Variants in MBTPS1 observed in about 807,000 individuals in gnomAD.
The protein encoded by MBTPS1 is membrane bound transcription factor peptidase, site 1.
A neutral mutation model predicts 127.8 loss-of-function variants in MBTPS1; 94 were observed. That is an observed-to-expected ratio of 0.74 (90% CI 0.62 to 0.87). The LOEUF (loss-of-function observed/expected upper bound fraction) is 0.87. Ranked by LOEUF, MBTPS1 falls within the 40% of genes least tolerant of loss-of-function variation. The pLI, the probability that MBTPS1 is intolerant of heterozygous loss-of-function variation, is 0.00. For synonymous variants in MBTPS1, 632 were observed against 509.4 expected, an observed-to-expected ratio of 1.24 and a Z score of -3.24; for missense variants, 1,636 against 1,353.2, an observed-to-expected ratio of 1.21 and a Z score of -3.28.
intron 11 of MBTPS1, among the ~76,000 whole-genome samples, chr16:84,079,062 G>A (rs1314899233): frequency 3.3e-5 from 5 of 152,196 alleles, no homozygotes; most frequent in African/African-American, 1.2e-4. Flanking sequence ...TCCCTCTGGT[G>A]GTAACTGAGT....
intron 1 of MBTPS1, among the ~76,000 whole-genome samples, chr16:84,114,016 G>A (rs1352182136): frequency 6.7e-6 from 1 of 149,314 alleles, no homozygotes; most frequent in Non-Finnish European, 1.5e-5. Flanking sequence ...CCAGGGTGGA[G>A]TGCAATGGCG....
rs774683641 is a variant in MBTPS1, at chr16:84,101,680, C to T, written c.104G>A (p.Cys35Tyr). 68 of 1,614,000 alleles carry T rather than the reference C, an allele frequency of 4.2e-5. No homozygotes were observed. The highest frequency in any genetic ancestry group is 5.5e-5 in the Non-Finnish European group (65 of 1,179,982). Residue 35 changes from cysteine (C) to tyrosine (Y), a missense_variant, in exon 2 of 23, where the codon TGC (cysteine) becomes TAC (tyrosine). Physicochemically the swap from Cys to Tyr is radical, Grantham distance 194. Coordinates refer to ENST00000343411, the MANE Select transcript of MBTPS1 (RefSeq NM_003791.4). ...LEKKSFEKAPCPGCSHLTLKV... is the reference protein window; with the variant it reads ...LEKKSFEKAPYPGCSHLTLKV... ...CAAAGTCAGGTGGGAACAGCCAGGG[C>T]ATGGGGCCTTTTCAAAAGATTTCTT...
intron 11 of MBTPS1, among the ~76,000 whole-genome samples, chr16:84,076,666 C>G (rs1309240458): frequency 6.6e-6 from 1 of 152,212 alleles, no homozygotes; most frequent in Non-Finnish European, 1.5e-5. Flanking sequence ...GCCCCATCTA[C>G]AGCAGCAACA....
intron 1 of MBTPS1, among the ~76,000 whole-genome samples, chr16:84,102,444 C>A (rs868750169): frequency 6.6e-6 from 1 of 152,024 alleles, no homozygotes. Context: ...ACTGCTTTCA[C>A]GGGAAAATTT....
Position 84,091,786 on chromosome 16 carries a change from C to CAAA in MBTPS1, c.908_909insTTT (p.Leu304dup). On this transcript the variant is annotated inframe_insertion, in exon 7 of 23. Coordinates refer to ENST00000343411, the MANE Select transcript of MBTPS1 (RefSeq NM_003791.4). ...CCGGGCCGCCGATGCTGAGGTTTAACACGTCGATCTTCTTTAAAATGGCAT... is the reference window on the plus strand; with the variant it reads ...CCGGGCCGCCGATGCTGAGGTTTAACAAAACGTCGATCTTCTTTAAAATGGCAT... 1 of 1,614,188 alleles carries CAAA rather than the reference C, an allele frequency of 6.2e-7. No individual in the cohort carries two copies. Among genetic ancestry groups the CAAA allele is most frequent in the Non-Finnish European group, 8.5e-7 (1 of 1,180,026 alleles).
At chr16:84,109,653 A>G (rs1214769594) in intron 1 of MBTPS1, 1 of 152,222 alleles carries the variant, frequency 6.6e-6, no homozygotes, top group African/African-American at 2.4e-5. Flanking sequence ...CAACTGGCCT[A>G]GAATTTTCCT....
chr16:84,075,896 G>C (rs576399577), intron 11 of MBTPS1, among the ~76,000 whole-genome samples: 2 of 152,330 alleles, frequency 1.3e-5, no homozygotes, highest in South Asian at 4.1e-4. Flanking sequence ...TAAAAATCCT[G>C]AATGGATCGG....
intron 1 of MBTPS1, among the ~76,000 whole-genome samples, chr16:84,116,084 C>T (rs923084895): frequency 2.0e-5 from 3 of 152,180 alleles, no homozygotes; most frequent in African/African-American, 7.2e-5. Context: ...CAACGCAGGT[C>T]GTATTCCACT....
chr16:84,114,926 TTTTTTTG>T (rs573476576), intron 1 of MBTPS1, among the ~76,000 whole-genome samples: 272 of 152,102 alleles, frequency 1.8e-3, no homozygotes, highest in African/African-American at 5.3e-3. Context: ...CTTCCAAGTT[TTTTTTTG>T]TTTTTTGTTT....
At chr16:84,112,974 CAAAAAAAAAAAA>C (rs71382895) in intron 1 of MBTPS1, among the ~76,000 whole-genome samples, 5 of 56,878 alleles carry the variant, frequency 8.8e-5, no homozygotes, top group African/African-American at 3.2e-4. Flanking sequence ...GATGCCATCT[CAAAAAAAAAAAA>C]AAAAAAAAGA....
intron 21 of MBTPS1, chr16:84,057,465 A>G (rs2085539067): frequency 6.6e-6 from 1 of 152,238 alleles, no homozygotes. Context: ...TTTACAGCAT[A>G]CTGACGGAAG....
chr16:84,114,988 G>A (rs1047270263), intron 1 of MBTPS1, among the ~76,000 whole-genome samples: 1 of 151,796 alleles, frequency 6.6e-6, no homozygotes, highest in African/African-American at 2.4e-5. Flanking sequence ...GAATGCAGCG[G>A]CGTGATCTTG....
intron 12 of MBTPS1, among the ~76,000 whole-genome samples, chr16:84,073,676 T>TAA (rs139568278): frequency 2.0e-5 from 3 of 148,056 alleles, no homozygotes; most frequent in Non-Finnish European, 4.5e-5. Context: ...AAAACAATAT[T>TAA]AAAAAAAAAA....
At chr16:84,078,271 C>T (rs970116441) in intron 11 of MBTPS1, among the ~76,000 whole-genome samples, 15 of 151,836 alleles carry the variant, frequency 9.9e-5, no homozygotes, top group Middle Eastern at 6.8e-3. Context: ...AGTTACCTGA[C>T]GCTCTCAACC....
intron 3 of MBTPS1, among the ~76,000 whole-genome samples, chr16:84,097,836 T>TCGTGTGTG (rs1178350787): frequency 2.3e-5 from 2 of 85,248 alleles, no homozygotes; most frequent in Non-Finnish European, 5.1e-5. Flanking sequence ...AAACTTCTCT[T>TCGTGTGTG]CGTGTGTGTG....
chr16:84,100,437 G>T (rs185550815), intron 2 of MBTPS1, among the ~76,000 whole-genome samples: 3 of 151,920 alleles, frequency 2.0e-5, no homozygotes, highest in Non-Finnish European at 4.4e-5. Context: ...CCAGCTACTC[G>T]GGAGGCTGAG....
In MBTPS1 at chr16:84,067,725, T is replaced by A. The variant is rs192649025; in HGVS notation, c.2170A>T (p.Ser724Cys). 2 of 1,614,148 alleles carry A rather than the reference T, an allele frequency of 1.2e-6. No homozygotes were observed. Among genetic ancestry groups the A allele is most frequent in the East Asian group, 4.5e-5 (2 of 44,892 alleles). Residue 724 changes from serine to cysteine, a missense_variant, in exon 16 of 23, where the codon AGT becomes TGT. By Grantham distance (112) the Ser-to-Cys change is moderately radical. Transcript: ENST00000343411. The part of the protein sequence containing the change: ...VDNGLSLVIF[S>C]DWYNTSVMRK... ...ATAACAGAAGTGTTGTACCAGTCAC[T>A]GAAGATGACGAGCGAGAGGCCGTTG...
chr16:84,095,910 T>C (rs2086173334), intron 3 of MBTPS1, 105 bp from the exon 4 acceptor site: 2 of 865,956 alleles, frequency 2.3e-6, no homozygotes, highest in African/African-American at 1.7e-5. Context: ...CATTTGCCAC[T>C]CTGTTTGAAG....
chr16:84,090,326 C>G (rs578248700), intron 8 of MBTPS1, among the ~76,000 whole-genome samples: 11 of 151,218 alleles, frequency 7.3e-5, no homozygotes, highest in Non-Finnish European at 1.5e-4. Flanking sequence ...GCACAAAGGC[C>G]CCCCTGTGAC....
Sources: gnomAD v4.1 joint callset for allele counts (sites outside exome capture counted in the v4.1 genomes callset) on GRCh38, gnomAD v4.1.1 for gene constraint, MANE v1.5 for transcripts, NCBI Gene and HGNC (gene_info 2026-07-23, HGNC 2026-07-21) for gene names.